CBX5: variants seen among roughly 807,000 people sequenced by gnomAD.
The protein encoded by CBX5 is chromobox protein homolog 5.
In CBX5, 7 loss-of-function variants were observed where a neutral mutation model predicts 20.7. The ratio of observed to expected loss-of-function variants is 0.34; its 90% CI spans 0.19 to 0.63. CBX5 has a LOEUF of 0.63. Among genes scored for constraint, CBX5 ranks in the 30% least tolerant of loss-of-function variants. CBX5 has a pLI of 0.75. For missense variants in CBX5, 110 were observed against 224.1 expected (o/e 0.49, Z 3.25); for synonymous variants, 78 against 77.0 (o/e 1.01, Z -0.07).
intron 3 of CBX5, 104 bp from the exon 4 acceptor site, chr12:54,246,319 T>A: frequency 1.2e-6 from 1 of 830,196 alleles, no homozygotes; most frequent in Non-Finnish European, 1.9e-6. Flanking sequence ...TCTCCTGATA[T>A]CATTTCTTTC....
intron 1 of CBX5, among the ~76,000 whole-genome samples, chr12:54,258,629 G>A (rs1943885702): frequency 6.6e-6 from 1 of 152,192 alleles, no homozygotes. Flanking sequence ...TCAGAAATAT[G>A]CACACCAGGG....
At chr12:54,265,943 A>C (rs1338025419) in intron 1 of CBX5, among the ~76,000 whole-genome samples, 1 of 151,920 alleles carries the variant, frequency 6.6e-6, no homozygotes, top group African/African-American at 2.4e-5. Context: ...GCTACTCAGG[A>C]GGCTTAGGCA....
chr12:54,272,865 A>G (rs868729114), intron 1 of CBX5: 10 of 152,248 alleles, frequency 6.6e-5, no homozygotes, highest in African/African-American at 1.4e-4. Context: ...CTCCTTCCCT[A>G]TAAGATAAAG....
intron 4 of CBX5, 76 bp downstream of exon 4, chr12:54,246,039 G>T: frequency 1.0e-6 from 1 of 967,050 alleles, no homozygotes. Flanking sequence ...ATGCAGTCTT[G>T]CCACCCTATC....
chr12:54,277,527 C>A (rs981969276), intron 1 of CBX5, among the ~76,000 whole-genome samples: 5 of 151,500 alleles, frequency 3.3e-5, no homozygotes, highest in Non-Finnish European at 7.4e-5. Context: ...TTAGTAGAGA[C>A]GGGTTTCACC....
intron 4 of CBX5, among the ~76,000 whole-genome samples, chr12:54,242,524 CAAAA>C (rs34124128): frequency 5.2e-5 from 4 of 76,946 alleles, no homozygotes; most frequent in African/African-American, 9.7e-5. Context: ...GACTCCGTCT[CAAAA>C]AAAAAAAAAA....
intron 4 of CBX5, among the ~76,000 whole-genome samples, chr12:54,245,610 A>G (rs989900581): frequency 6.6e-6 from 1 of 151,890 alleles, no homozygotes; most frequent in Non-Finnish European, 1.5e-5. Context: ...TGACCAACAT[A>G]GAGGAACCCT....
intron 2 of CBX5, among the ~76,000 whole-genome samples, chr12:54,255,072 C>T (rs1299598485): frequency 6.6e-6 from 1 of 152,172 alleles, no homozygotes; most frequent in Non-Finnish European, 1.5e-5. Flanking sequence ...TTTCCTAACA[C>T]TTTGGTACTG....
intron 1 of CBX5, among the ~76,000 whole-genome samples, chr12:54,264,859 GAAAA>G (rs1460228786): frequency 2.0e-5 from 3 of 151,340 alleles, no homozygotes; most frequent in Non-Finnish European, 2.9e-5. Context: ...AAAAAAAAAA[GAAAA>G]AGAAAGCCAA....
chr12:54,269,533 A>G (rs1943989484), intron 1 of CBX5, among the ~76,000 whole-genome samples: 1 of 151,722 alleles, frequency 6.6e-6, no homozygotes, highest in Admixed American at 6.6e-5. Flanking sequence ...GGACTACAGG[A>G]GCACACCACC....
intron 1 of CBX5, among the ~76,000 whole-genome samples, chr12:54,270,510 T>C (rs1943999289): frequency 6.6e-6 from 1 of 152,208 alleles, no homozygotes; most frequent in South Asian, 2.1e-4. Flanking sequence ...TGAGCTCAAG[T>C]GATCCTCTCG....
chr12:54,251,475 TGCCA>T (rs1943801502), intron 3 of CBX5, among the ~76,000 whole-genome samples: 1 of 132,554 alleles, frequency 7.5e-6, no homozygotes, highest in East Asian at 2.2e-4. Context: ...GCCAAGATAG[TGCCA>T]CTGCACTCCA....
intron 3 of CBX5, among the ~76,000 whole-genome samples, chr12:54,251,516 C>CAAAAA (rs55662273): frequency 1.5e-5 from 1 of 68,094 alleles, no homozygotes; most frequent in East Asian, 4.1e-4. Flanking sequence ...GACTCTGTCT[C>CAAAAA]AAAAAAAAAA....
intron 1 of CBX5, among the ~76,000 whole-genome samples, chr12:54,260,175 A>C (rs905608413): frequency 1.8e-4 from 27 of 151,894 alleles, no homozygotes; most frequent in Non-Finnish European, 3.5e-4. Flanking sequence ...AAAAAAAAAA[A>C]AAAAACCCCT....
intron 1 of CBX5, among the ~76,000 whole-genome samples, chr12:54,264,984 A>G (rs985763798): frequency 1.2e-4 from 18 of 152,230 alleles, no homozygotes; most frequent in African/African-American, 3.9e-4. Context: ...CATAAATTCT[A>G]TAAGCCCCCT....
intron 1 of CBX5, among the ~76,000 whole-genome samples, chr12:54,270,966 G>A (rs1944003597): frequency 6.6e-6 from 1 of 152,248 alleles, no homozygotes; most frequent in African/African-American, 2.4e-5. Context: ...GCTGAGGCAG[G>A]AGGATCACTT....
chr12:54,239,433 G>A lies in CBX5; in HGVS notation c.*2322C>T, dbSNP rs1943655027. 1 of 152,140 alleles carries A rather than the reference G, an allele frequency of 6.6e-6. No individual in the cohort carries two copies. The highest frequency in any genetic ancestry group is 1.5e-5 in the Non-Finnish European group (1 of 68,022). 9.4% of individuals were successfully genotyped at this position (152,140 alleles called of 1,614,324 possible). On this transcript the variant is annotated 3_prime_UTR_variant, in exon 5 of 5. Coordinates refer to ENST00000209875, the MANE Select transcript of CBX5 (RefSeq NM_012117.3). ...TGGGAGGCATACACTGGGCCACTTG[G>A]ATAGGCTGTCATTTTCTGCAAATCA...
At chr12:54,242,725 A>C (rs1943691226) in intron 4 of CBX5, among the ~76,000 whole-genome samples, 1 of 152,094 alleles carries the variant, frequency 6.6e-6, no homozygotes, top group Non-Finnish European at 1.5e-5. Flanking sequence ...TTTAGCTACA[A>C]ATTTCAATTA....
In CBX5 at chr12:54,240,055, T is replaced by G. The variant is rs1430404663; in HGVS notation, c.*1700A>C. On this transcript the variant is annotated 3_prime_UTR_variant, in exon 5 of 5. Transcript: ENST00000209875. ...ATCAAAAACAACAAGAAAAGCAGCC[T>G]CATGGCTGGTGCGCTCTAGAATTAA... 2.0e-5 allele frequency: 3 copies of G among 152,224 alleles called. No individual in the cohort carries two copies. The highest frequency in any genetic ancestry group is 4.4e-5 in the Non-Finnish European group (3 of 68,044). The allele number at this position is 152,224 out of a possible 1,614,324, so 9.4% of individuals were successfully genotyped here.
Sources: allele counts gnomAD v4.1 joint callset (sites outside exome capture counted in the v4.1 genomes callset), GRCh38; gene constraint gnomAD v4.1.1; transcripts MANE v1.5; gene names NCBI Gene and HGNC (gene_info 2026-07-23, HGNC 2026-07-21).